ADNP: variants seen among roughly 807,000 people sequenced by gnomAD.
ADNP encodes the protein activity-dependent neuroprotector homeobox protein.
ADNP carries 4 observed loss-of-function variants against 84.9 expected under a neutral mutation model. The observed-to-expected ratio is 0.05, with a 90% confidence interval of 0.02 to 0.11. ADNP has a LOEUF of 0.11. Among genes scored for constraint, ADNP ranks in the 10% least tolerant of loss-of-function variants. ADNP has a pLI of 1.00. For missense variants in ADNP, 1,132 were observed against 1,326.0 expected, an observed-to-expected ratio of 0.85 and a Z score of 2.27; for synonymous variants, 554 against 468.1, an observed-to-expected ratio of 1.18 and a Z score of -2.37.
intron 2 of ADNP, chr20:50,914,057 A>G (rs192877334): frequency 1.1e-5 from 8 of 746,040 alleles, no homozygotes; most frequent in East Asian, 9.9e-5. Context: ...ACTCCCCTAC[A>G]TCATGCAGCT....
intron 2 of ADNP, among the ~76,000 whole-genome samples, chr20:50,906,751 G>A (rs1044568327): frequency 2.0e-5 from 3 of 152,122 alleles, no homozygotes; most frequent in African/African-American, 4.8e-5. Context: ...ATGCCCATAA[G>A]GGAACTTAGT....
intron 2 of ADNP, among the ~76,000 whole-genome samples, chr20:50,923,990 A>C (rs1391971642): frequency 6.6e-6 from 1 of 152,222 alleles, no homozygotes; most frequent in Non-Finnish European, 1.5e-5. Flanking sequence ...TCCACTAGAC[A>C]GGAGTTTCTC....
chr20:50,903,558 C>T (rs1229329185), intron 4 of ADNP, among the ~76,000 whole-genome samples: 1 of 152,204 alleles, frequency 6.6e-6, no homozygotes, highest in Non-Finnish European at 1.5e-5. Flanking sequence ...ATTTGTTCTT[C>T]ATCTGTGAAG....
At chr20:50,925,204 C>T (rs780415804) in intron 2 of ADNP, among the ~76,000 whole-genome samples, 9 of 151,790 alleles carry the variant, frequency 5.9e-5, no homozygotes, top group African/African-American at 9.7e-5. Context: ...AAAACGTGTG[C>T]CCTGCAATCA....
chr20:50,907,399 T>C (rs1402205114), intron 2 of ADNP, among the ~76,000 whole-genome samples: 4 of 151,952 alleles, frequency 2.6e-5, no homozygotes, highest in African/African-American at 9.7e-5. Flanking sequence ...CCTGAGTAGC[T>C]GGGACTACAG....
At position 50,892,914 on chromosome 20, in the gene ADNP, C is replaced by G. The variant is rs143038335; in HGVS notation, c.1800G>C (p.Lys600Asn). 1 of 1,614,120 alleles carries G rather than the reference C, an allele frequency of 6.2e-7. No individual in the cohort carries two copies. Among genetic ancestry groups the G allele is most frequent in the African/African-American group, 1.3e-5 (1 of 74,932 alleles). ...PPKPQPKVQEKADIPVKSSPQ... is the reference protein window; with the variant it reads ...PPKPQPKVQENADIPVKSSPQ... ...GTGAACTTTTTACAGGGATATCTGCCTTTTCCTGAACCTTTGGCTGTGGCT... is the reference window on the plus strand; with the variant it reads ...GTGAACTTTTTACAGGGATATCTGCGTTTTCCTGAACCTTTGGCTGTGGCT... Residue 600 changes from lysine to asparagine, a missense_variant, in exon 6 of 6, where the codon AAG (lysine) becomes AAC (asparagine). This residue lies in a region of ADNP where 53 missense variants were observed against 39.8 expected (regional missense o/e 1.33). Coordinates refer to ENST00000621696, the MANE Select transcript of ADNP (RefSeq NM_001282531.3).
At chr20:50,913,538 T>C (rs1033895154) in intron 2 of ADNP, among the ~76,000 whole-genome samples, 1 of 152,216 alleles carries the variant, frequency 6.6e-6, no homozygotes, top group African/African-American at 2.4e-5. Context: ...TGTTAAGTTA[T>C]GCTGGCAATT....
At chr20:50,902,241 A>G (rs1982058611) in intron 4 of ADNP, 132 bp from the exon 5 acceptor site, 2 of 626,466 alleles carry the variant, frequency 3.2e-6, no homozygotes, top group Admixed American at 3.1e-5. Flanking sequence ...GACTTAAACT[A>G]GGAGTGATAA....
rs1353413891 is a variant in ADNP, at chr20:50,892,908, A to C, written c.1806T>G (p.Asp602Glu). 1 of 1,614,270 alleles carries C rather than the reference A, an allele frequency of 6.2e-7. No individual in the cohort carries two copies. Among genetic ancestry groups the C allele is most frequent in the Admixed American group, 1.7e-5 (1 of 60,030 alleles). Residue 602 changes from aspartate to glutamate, a missense_variant, in exon 6 of 6, where the codon GAT becomes GAG. Coordinates refer to ENST00000621696, the MANE Select transcript of ADNP (RefSeq NM_001282531.3). ...CTTGAGGTGAACTTTTTACAGGGAT[A>C]TCTGCCTTTTCCTGAACCTTTGGCT... Reference protein sequence around the residue: ...KPQPKVQEKADIPVKSSPQAA... With the variant: ...KPQPKVQEKAEIPVKSSPQAA...
In ADNP at chr20:50,891,153, C is replaced by T. The variant is rs549627028; in HGVS notation, c.*252G>A. On this transcript the variant is annotated 3_prime_UTR_variant, in exon 6 of 6. Transcript: ENST00000621696. The stretch of plus-strand genomic sequence containing the variant: ...GATAAAATAAACCTCTGCTTTTCCT[C>T]GTGTGTATTCATGAGTCACCAGCTT... 274 of 1,267,050 alleles carry T rather than the reference C, an allele frequency of 2.2e-4. No individual in the cohort carries two copies. Among genetic ancestry groups the T allele is most frequent in the African/African-American group, 1.2e-3 (80 of 65,044 alleles). 78.5% of individuals were successfully genotyped at this position (1,267,050 alleles called of 1,614,324 possible). A position where few individuals can be genotyped will look rare whatever the true frequency, so the allele number is the denominator to read the frequency against.
chr20:50,896,271 A>C (rs1247965795), intron 5 of ADNP, among the ~76,000 whole-genome samples: 1 of 152,124 alleles, frequency 6.6e-6, no homozygotes, highest in East Asian at 1.9e-4. Flanking sequence ...ACAGCCGTAC[A>C]AAAATATTTT....
intron 2 of ADNP, among the ~76,000 whole-genome samples, chr20:50,920,275 A>AG (rs1983859941): frequency 6.8e-6 from 1 of 147,796 alleles, no homozygotes; most frequent in Non-Finnish European, 1.5e-5. Flanking sequence ...AAAAAAAAAA[A>AG]AAAAAAAAAG....
intron 2 of ADNP, among the ~76,000 whole-genome samples, chr20:50,911,803 G>A (rs1242115162): frequency 1.3e-5 from 2 of 151,988 alleles, no homozygotes; most frequent in Non-Finnish European, 2.9e-5. Context: ...ATAAGCAAAA[G>A]ACAACCCAGC....
At chr20:50,920,272 A>AG (rs1983859167) in intron 2 of ADNP, among the ~76,000 whole-genome samples, 1 of 147,170 alleles carries the variant, frequency 6.8e-6, no homozygotes, top group Non-Finnish European at 1.5e-5. Flanking sequence ...CAAAAAAAAA[A>AG]AAAAAAAAAA....
Position 50,890,888 on chromosome 20 carries a change from G to C in ADNP, c.*517C>G. The C allele has an allele frequency of 1.0e-6, 1 of 976,710 alleles. No homozygotes were observed. Among genetic ancestry groups the C allele is most frequent in the Non-Finnish European group, 1.2e-6 (1 of 821,856 alleles). The allele number at this position is 976,710 out of a possible 1,614,324, so 60.5% of individuals were successfully genotyped here. On this transcript the variant is annotated 3_prime_UTR_variant, in exon 6 of 6. Coordinates refer to ENST00000621696, the MANE Select transcript of ADNP (RefSeq NM_001282531.3). Reference sequence around the variant, plus strand: ...GGCAACACTAAAAAAAGAAATCTATGATGGGCACACAGTAACAGGATCATG... The same window carrying C: ...GGCAACACTAAAAAAAGAAATCTATCATGGGCACACAGTAACAGGATCATG...
intron 2 of ADNP, chr20:50,914,410 TTTC>T (rs1983338987): frequency 1.9e-6 from 1 of 521,376 alleles, no homozygotes. Flanking sequence ...ACAGCTTGGA[TTTC>T]TTCTTACTTT....
chr20:50,914,788 C>T (rs1983378921), intron 2 of ADNP, among the ~76,000 whole-genome samples: 1 of 152,216 alleles, frequency 6.6e-6, no homozygotes, highest in Non-Finnish European at 1.5e-5. Context: ...TGATGTTCCT[C>T]CATACAGTTA....
chr20:50,906,233 T>G (rs1026205186), intron 2 of ADNP, among the ~76,000 whole-genome samples: 1 of 151,912 alleles, frequency 6.6e-6, no homozygotes, highest in Non-Finnish European at 1.5e-5. Context: ...AAAAAACACA[T>G]ACAGTTACTA....
chr20:50,894,616 C>T (rs1233133779), intron 5 of ADNP, 104 bp from the exon 6 acceptor site: 10 of 1,295,116 alleles, frequency 7.7e-6, no homozygotes, highest in African/African-American at 1.5e-5. Context: ...GATTTTAGGC[C>T]GCGCGTGGTG....
Sources: gnomAD v4.1 joint callset for allele counts (sites outside exome capture counted in the v4.1 genomes callset) on GRCh38, gnomAD v4.1.1 for gene constraint, gnomAD v4.1.1 regional missense constraint, MANE v1.5 for transcripts, NCBI Gene and HGNC (gene_info 2026-07-23, HGNC 2026-07-21) for gene names.